The following TRAPPC8 variants were observed in gnomAD, a reference collection of about 807,000 sequenced individuals.
TRAPPC8 encodes the protein trafficking protein particle complex subunit 8.
In TRAPPC8, 54 loss-of-function variants were observed where a neutral mutation model predicts 174.3. The ratio of observed to expected loss-of-function variants is 0.31; its 90% CI spans 0.25 to 0.39. TRAPPC8 has a LOEUF of 0.39. Ranked by LOEUF, TRAPPC8 falls within the 10% of genes least tolerant of loss-of-function variation. The pLI, the probability that TRAPPC8 is intolerant of heterozygous loss-of-function variation, is 1.00. For missense variants in TRAPPC8, 1,531 were observed against 1,699.1 expected (o/e 0.90, Z 1.74); for synonymous variants, 630 against 579.9 (o/e 1.09, Z -1.24).
At chr18:31,895,558 C>T (rs900368385) in intron 11 of TRAPPC8, among the ~76,000 whole-genome samples, 10 of 152,032 alleles carry the variant, frequency 6.6e-5, no homozygotes, top group South Asian at 2.1e-4. Flanking sequence ...AAAAATAACA[C>T]GGTTATAATG....
intron 9 of TRAPPC8, among the ~76,000 whole-genome samples, chr18:31,906,408 T>A (rs2036660952): frequency 6.6e-6 from 1 of 152,054 alleles, no homozygotes; most frequent in Non-Finnish European, 1.5e-5. Context: ...CATTTTTAAG[T>A]TACATATTTT....
At chr18:31,877,750 C>T (rs1264297643) in intron 12 of TRAPPC8, among the ~76,000 whole-genome samples, 1 of 151,748 alleles carries the variant, frequency 6.6e-6, no homozygotes, top group Non-Finnish European at 1.5e-5. Flanking sequence ...ATGGTGAAAC[C>T]CCGTCTCTAC....
chr18:31,899,041 AACTTTCT>A (rs2036298873), intron 10 of TRAPPC8, among the ~76,000 whole-genome samples: 1 of 152,218 alleles, frequency 6.6e-6, no homozygotes, highest in Non-Finnish European at 1.5e-5. Flanking sequence ...ACTTGTCATA[AACTTTCT>A]ACAAATCACA....
At chr18:31,867,691 T>C (rs1024328677) in intron 16 of TRAPPC8, among the ~76,000 whole-genome samples, 8 of 152,178 alleles carry the variant, frequency 5.3e-5, no homozygotes, top group Non-Finnish European at 1.0e-4. Context: ...TTTTTCATTT[T>C]GTTCAGTCCA....
intron 2 of TRAPPC8, among the ~76,000 whole-genome samples, chr18:31,918,686 G>C (rs2037249195): frequency 6.6e-6 from 1 of 152,284 alleles, no homozygotes; most frequent in South Asian, 2.1e-4. Flanking sequence ...CCTCTTAAAT[G>C]AAATTTCGAA....
At chr18:31,897,283 C>A (rs925205982) in intron 11 of TRAPPC8, among the ~76,000 whole-genome samples, 1 of 152,080 alleles carries the variant, frequency 6.6e-6, no homozygotes, top group Non-Finnish European at 1.5e-5. Flanking sequence ...ACTTTTTTCT[C>A]TTTTAAAATA....
chr18:31,899,283 T>A (rs571396168), intron 10 of TRAPPC8, among the ~76,000 whole-genome samples: 3 of 152,330 alleles, frequency 2.0e-5, no homozygotes, highest in South Asian at 4.1e-4. Context: ...AGTTTCCTCA[T>A]CTGTAAAATG....
intron 26 of TRAPPC8, among the ~76,000 whole-genome samples, chr18:31,842,765 T>A (rs2033177448): frequency 6.6e-6 from 1 of 152,196 alleles, no homozygotes; most frequent in South Asian, 2.1e-4. Flanking sequence ...TCAGACCATT[T>A]TGGATTTCAG....
chr18:31,889,323 G>A (rs2035858585), intron 12 of TRAPPC8, among the ~76,000 whole-genome samples: 1 of 152,142 alleles, frequency 6.6e-6, no homozygotes, highest in African/African-American at 2.4e-5. Flanking sequence ...CTATAATCTG[G>A]GAAGGCAGAT....
chr18:31,942,662 T>A lies in TRAPPC8; in HGVS notation c.103A>T (p.Asn35Tyr). ...SDEAERLTRL[N>Y]HLSFAELLKP... ...AGCAGCTCCGCGAAGCTGAGGTGAT[T>A]GAGACGAGTGAGCCGCTCGGCTTCG... The change falls in exon 1 of 29, where the codon AAT becomes TAT. Residue 35 changes from asparagine (N) to tyrosine (Y), a missense_variant. Asn to Tyr is a moderately radical substitution (Grantham distance 143). Transcript: ENST00000283351. 6.2e-7 allele frequency: 1 copy of A among 1,611,150 alleles called. No individual in the cohort carries two copies. Among genetic ancestry groups the A allele is most frequent in the Non-Finnish European group, 8.5e-7 (1 of 1,178,712 alleles).
Position 31,913,857 on chromosome 18 carries a change from C to G in TRAPPC8, c.618-335G>C, listed in dbSNP as rs138118440. On this transcript the variant is annotated intron_variant, in intron 4 of 28. Coordinates refer to ENST00000283351, the MANE Select transcript of TRAPPC8 (RefSeq NM_014939.5). ...GAGCTCTGGTGGTCAAACTAGATTG[C>G]GGGGGGAACTACAGGAAACAAAACA... Among the ~76,000 whole-genome samples the G allele has an allele frequency of 3.0e-3, 455 of 151,660 alleles. 2 individuals carry two copies. Among genetic ancestry groups the G allele is most frequent in the African/African-American group, 9.6e-3 (397 of 41,166 alleles).
chr18:31,893,757 CAG>C (rs970084203), intron 11 of TRAPPC8, among the ~76,000 whole-genome samples: 4 of 152,066 alleles, frequency 2.6e-5, no homozygotes, highest in Admixed American at 1.3e-4. Flanking sequence ...TAGGCCTCAA[CAG>C]AGTTCAGTTT....
chr18:31,854,989 A>T (rs1289928551), intron 21 of TRAPPC8, among the ~76,000 whole-genome samples: 1 of 145,864 alleles, frequency 6.9e-6, no homozygotes. Context: ...AAAAAAAAAG[A>T]ATATTCATTT....
chr18:31,873,566 G>T (rs2034996843), intron 13 of TRAPPC8, 28 bp from the exon 14 acceptor site: 2 of 1,528,880 alleles, frequency 1.3e-6, no homozygotes, highest in East Asian at 2.3e-5. Context: ...GGGAAAAAAA[G>T]TAGTTTTTGT....
rs147913275 is a variant in TRAPPC8 at position 31,930,308 on chromosome 18, C to T, written c.352+1021G>A. Among the ~76,000 whole-genome samples, 451 of 151,880 alleles carry T rather than the reference C, an allele frequency of 3.0e-3. 2 individuals carry two copies. Among genetic ancestry groups the T allele is most frequent in the African/African-American group, 9.5e-3 (393 of 41,414 alleles). Reference sequence around the variant, plus strand: ...CTAATTTTTGTATTTTTAGTAGAGACGGGGTTTCACTATGTTGGTCAGGCT... The same window carrying T: ...CTAATTTTTGTATTTTTAGTAGAGATGGGGTTTCACTATGTTGGTCAGGCT... On this transcript the variant is annotated intron_variant, in intron 2 of 28. Coordinates refer to ENST00000283351, the MANE Select transcript of TRAPPC8 (RefSeq NM_014939.5).
chr18:31,861,868 G>A (rs1432132286), intron 19 of TRAPPC8, among the ~76,000 whole-genome samples: 1 of 128,600 alleles, frequency 7.8e-6, no homozygotes, highest in African/African-American at 2.9e-5. Context: ...CAAGGCTGCA[G>A]TGATCAGAGA....
At chr18:31,930,297 T>G (rs1242965913) in intron 2 of TRAPPC8, among the ~76,000 whole-genome samples, 1 of 151,896 alleles carries the variant, frequency 6.6e-6, no homozygotes, top group Non-Finnish European at 1.5e-5. Context: ...TTTTTGTATT[T>G]TTAGTAGAGA....
In TRAPPC8 at chr18:31,855,570, T is replaced by C. The variant is rs927156014; in HGVS notation, c.3336+90A>G. ...TTCCTAAAATCCCTAGCTTATGCTG[T>C]CTTGTAAAGGAAAACAAAAACCACT... is the stretch of plus-strand genomic sequence containing the variant. On this transcript the variant is annotated intron_variant, in intron 21 of 28. Transcript: ENST00000283351. 1.4e-5 allele frequency: 16 copies of C among 1,115,682 alleles called. No individual in the cohort carries two copies. The African/African-American group carries it at 2.2e-4, about 16-fold the overall frequency. The allele number at this position is 1,115,682 out of a possible 1,614,324, so 69.1% of individuals were successfully genotyped here.
At chr18:31,929,799 T>C (rs2037773889) in intron 2 of TRAPPC8, among the ~76,000 whole-genome samples, 1 of 152,210 alleles carries the variant, frequency 6.6e-6, no homozygotes, top group Non-Finnish European at 1.5e-5. Flanking sequence ...ACTACAACAC[T>C]GATGAGAGAA....
Sources: gnomAD v4.1 joint callset for allele counts (sites outside exome capture counted in the v4.1 genomes callset) on GRCh38, gnomAD v4.1.1 for gene constraint, MANE v1.5 for transcripts, NCBI Gene and HGNC (gene_info 2026-07-23, HGNC 2026-07-21) for gene names.